The following ZNF623 variants were observed in gnomAD, a reference collection of about 807,000 sequenced individuals.
ZNF623 encodes zinc finger protein 623.
ZNF623 carries 16 observed loss-of-function variants against 24.0 expected under a neutral mutation model. The observed-to-expected ratio is 0.67, with a 90% confidence interval of 0.45 to 1.01. The LOEUF (loss-of-function observed/expected upper bound fraction) is 1.01, where lower values mean the gene tolerates loss of function less well. Ranked by LOEUF, ZNF623 falls within the 50% of genes least tolerant of loss-of-function variation. ZNF623 has a pLI of 0.00. For missense variants in ZNF623, 566 were observed against 606.5 expected (o/e 0.93, Z 0.70); for synonymous variants, 224 against 219.8 (o/e 1.02, Z -0.17).
intron 1 of ZNF623, among the ~76,000 whole-genome samples, chr8:143,640,387 G>A (rs981503299): frequency 6.6e-5 from 10 of 152,206 alleles, no homozygotes; most frequent in Non-Finnish European, 1.5e-4. Context: ...CTTAAAATGG[G>A]ACGATGAAGT....
At chr8:143,645,275 C>A (rs377079046) in intron 1 of ZNF623, among the ~76,000 whole-genome samples, 86 of 152,116 alleles carry the variant, frequency 5.7e-4, no homozygotes, top group Admixed American at 2.0e-3. Flanking sequence ...CCCCGTCTCT[C>A]CTAAAAATAC....
chr8:143,643,569 C>T (rs1006462789), intron 1 of ZNF623, among the ~76,000 whole-genome samples: 12 of 152,180 alleles, frequency 7.9e-5, no homozygotes, highest in Admixed American at 3.3e-4. Flanking sequence ...TGCGTGAGGT[C>T]GCATAATTCC....
chr8:143,636,774 C>T (rs545644411), intron 1 of ZNF623, among the ~76,000 whole-genome samples: 64 of 152,306 alleles, frequency 4.2e-4, no homozygotes, highest in African/African-American at 1.4e-3. Flanking sequence ...GCTACGCTGT[C>T]CTGCTTTTTC....
Position 143,651,698 on chromosome 8 carries a change from G to C in ZNF623, c.*215G>C. 2 of 518,778 alleles carry C rather than the reference G, an allele frequency of 3.9e-6. No homozygotes were observed. The highest frequency in any genetic ancestry group is 5.2e-4 in the Middle Eastern group (1 of 1,928). The allele number at this position is 518,778 out of a possible 1,614,324, so 32.1% of individuals were successfully genotyped here. ...AGGAGAGTCACAGGGCTTGACACCT[G>C]ACTCTGAGCTGGAACAGTAGGGGCA... is the stretch of plus-strand genomic sequence containing the variant. On this transcript the variant is annotated 3_prime_UTR_variant, in exon 2 of 2. Transcript: ENST00000526926.
chr8:143,650,265 C>T lies in ZNF623; in HGVS notation c.273C>T (p.Thr91=), dbSNP rs1229581148. The change falls in exon 2 of 2, where the codon ACC becomes ACT. Residue 91 remains threonine, a synonymous_variant. Transcript: ENST00000526926. The surrounding 1 kb of genome is among the most constrained non-coding windows in gnomAD (Gnocchi z 5.2). ...ATCCTTGCGATATCTGTGGCAAAAC[C>T]TTCACGTTTAATTCGGACCTAGTTA... The part of the protein sequence containing the change: ...EANPCDICGK[T]FTFNSDLVRH... 2 of 1,614,100 alleles carry T rather than the reference C, an allele frequency of 1.2e-6. No individual in the cohort carries two copies. The highest frequency in any genetic ancestry group is 1.3e-5 in the African/African-American group (1 of 74,938).
chr8:143,639,880 C>T (rs1258339123), intron 1 of ZNF623, among the ~76,000 whole-genome samples: 3 of 152,206 alleles, frequency 2.0e-5, no homozygotes, highest in Non-Finnish European at 2.9e-5. Context: ...GGACAGCACG[C>T]ACACATCACT....
At chr8:143,646,701 G>C (rs1418711227) in intron 1 of ZNF623, among the ~76,000 whole-genome samples, 3 of 152,080 alleles carry the variant, frequency 2.0e-5, no homozygotes, top group African/African-American at 7.2e-5. Context: ...GTTTTGCTCT[G>C]TCACCCAGGC....
At chr8:143,647,759 C>T (rs575087523) in intron 1 of ZNF623, among the ~76,000 whole-genome samples, 7 of 152,206 alleles carry the variant, frequency 4.6e-5, no homozygotes, top group South Asian at 2.1e-4. Context: ...GATTTTAAAG[C>T]GTAATTCTGC....
In ZNF623 at chr8:143,650,506, T is replaced by A. The variant is rs1326606382; in HGVS notation, c.514T>A (p.Cys172Ser). ...AGAAAAGCCCTTCAAATGTGCGCAG[T>A]GTGGGAAGGCGTTTTGTCACAGTTC... is the stretch of plus-strand genomic sequence containing the variant. ...SGEKPFKCAQCGKAFCHSSDL... is the reference protein window; with the variant it reads ...SGEKPFKCAQSGKAFCHSSDL... The change falls in exon 2 of 2, where the codon TGT (cysteine) becomes AGT (serine). Residue 172 changes from cysteine to serine, a missense_variant. Physicochemically the swap from Cys to Ser is moderately radical, Grantham distance 112 (BLOSUM62 -1). Coordinates refer to ENST00000526926, the MANE Select transcript of ZNF623 (RefSeq NM_001261843.2). This position sits in a 1 kb window ranked among gnomAD's most constrained non-coding sequence, Gnocchi z 5.2. 1 of 1,614,180 alleles carries A rather than the reference T, an allele frequency of 6.2e-7. No individual in the cohort carries two copies. Among genetic ancestry groups the A allele is most frequent in the East Asian group, 2.2e-5 (1 of 44,884 alleles).
chr8:143,637,985 A>G (rs894506462), intron 1 of ZNF623, among the ~76,000 whole-genome samples: 3 of 152,226 alleles, frequency 2.0e-5, no homozygotes, highest in South Asian at 4.1e-4. Context: ...ATGAAAATGT[A>G]TTGATTTAAT....
intron 1 of ZNF623, among the ~76,000 whole-genome samples, chr8:143,637,503 A>G (rs988581284): frequency 6.6e-6 from 1 of 152,072 alleles, no homozygotes; most frequent in Non-Finnish European, 1.5e-5. Context: ...TGCTGATGAT[A>G]CACAACATCT....
intron 1 of ZNF623, chr8:143,636,555 C>G (rs1038280037): frequency 2.6e-5 from 4 of 152,350 alleles, no homozygotes; most frequent in African/African-American, 9.6e-5. Flanking sequence ...TACGGTGTGG[C>G]AGGACTGGGT....
At position 143,651,344 on chromosome 8, in the gene ZNF623, A is replaced by T; in HGVS notation, c.1352A>T (p.Gln451Leu). The stretch of plus-strand genomic sequence containing the variant: ...GAAGAGAAGCTCTATGAATGTAGTC[A>T]GTATGGGAGAGATTTTAACTCAACT... ...HTEEKLYECS[Q>L]YGRDFNSTTN... Residue 451 changes from glutamine (Q) to leucine (L), a missense_variant, in exon 2 of 2, where the codon CAG (glutamine) becomes CTG (leucine). Coordinates refer to ENST00000526926, the MANE Select transcript of ZNF623 (RefSeq NM_001261843.2). 6.2e-7 allele frequency: 1 copy of T among 1,614,252 alleles called. No individual in the cohort carries two copies. The highest frequency in any genetic ancestry group is 1.1e-5 in the South Asian group (1 of 91,078).
At chr8:143,643,748 T>A (rs1420839504) in intron 1 of ZNF623, among the ~76,000 whole-genome samples, 3 of 152,254 alleles carry the variant, frequency 2.0e-5, no homozygotes, top group Non-Finnish European at 1.5e-5. Context: ...ATATGAGCTC[T>A]TTTGTGCCTG....
intron 1 of ZNF623, 100 bp from the exon 2 acceptor site, chr8:143,649,798 C>T (rs1023020477): frequency 4.8e-6 from 7 of 1,466,472 alleles, no homozygotes; most frequent in Middle Eastern, 2.2e-4. Context: ...GCAGAGGAAA[C>T]ACTTTCCACC....
Position 143,650,042 on chromosome 8 carries a change from G to GGGA in ZNF623, c.52_54dup (p.Glu18dup). Reference sequence around the variant, plus strand: ...GAGGAAGTCCACGAGCCCAGATTAGGGGAGCTCTTGGGAAATCCAGAAGGT... The same window carrying GGGA: ...GAGGAAGTCCACGAGCCCAGATTAGGGGAGGAGCTCTTGGGAAATCCAGAAGGT... On this transcript the variant is annotated inframe_insertion, in exon 2 of 2. Coordinates refer to ENST00000526926, the MANE Select transcript of ZNF623 (RefSeq NM_001261843.2). This position sits in a 1 kb window ranked among gnomAD's most constrained non-coding sequence, Gnocchi z 5.2. The GGGA allele has an allele frequency of 6.2e-7, 1 of 1,614,154 alleles. No homozygotes were observed. Among genetic ancestry groups the GGGA allele is most frequent in the Non-Finnish European group, 8.5e-7 (1 of 1,180,008 alleles).
At position 143,651,675 on chromosome 8, in the gene ZNF623, G is replaced by A; in HGVS notation, c.*192G>A. 3 of 590,756 alleles carry A rather than the reference G, an allele frequency of 5.1e-6. No homozygotes were observed. Among genetic ancestry groups the A allele is most frequent in the Non-Finnish European group, 8.8e-6 (3 of 340,856 alleles). The allele number at this position is 590,756 out of a possible 1,614,324, so 36.6% of individuals were successfully genotyped here. A position where few individuals can be genotyped will look rare whatever the true frequency, so the allele number is the denominator to read the frequency against. Reference sequence around the variant, plus strand: ...CCTCAGCTGTGAGCACTGTCCTCAGGAGAGTCACAGGGCTTGACACCTGAC... The same window carrying A: ...CCTCAGCTGTGAGCACTGTCCTCAGAAGAGTCACAGGGCTTGACACCTGAC... On this transcript the variant is annotated 3_prime_UTR_variant, in exon 2 of 2. Transcript: ENST00000526926.
At chr8:143,648,343 C>G (rs758849887) in intron 1 of ZNF623, among the ~76,000 whole-genome samples, 12 of 152,054 alleles carry the variant, frequency 7.9e-5, no homozygotes, top group Non-Finnish European at 1.3e-4. Context: ...GTCAGTGCCA[C>G]CGCAGGTTGA....
At chr8:143,647,441 C>T (rs1029263548) in intron 1 of ZNF623, among the ~76,000 whole-genome samples, 7 of 152,328 alleles carry the variant, frequency 4.6e-5, no homozygotes, top group African/African-American at 7.2e-5. Context: ...GGATTACAGG[C>T]GTGAGCCACC....
Sources: allele counts gnomAD v4.1 joint callset (sites outside exome capture counted in the v4.1 genomes callset), GRCh38; gene constraint gnomAD v4.1.1; non-coding constraint Gnocchi (gnomAD v3.1); transcripts MANE v1.5; gene names NCBI Gene and HGNC (gene_info 2026-07-23, HGNC 2026-07-21).